The following GRM7 variants were observed in gnomAD, a reference collection of about 807,000 sequenced individuals.
GRM7 encodes metabotropic glutamate receptor 7.
Under a neutral mutation model 84.5 loss-of-function variants are expected in GRM7, and 35 were observed. The ratio of observed to expected loss-of-function variants is 0.41; its 90% confidence interval spans 0.32 to 0.55. The LOEUF is 0.55. Ranked by LOEUF, GRM7 falls within the 20% of genes least tolerant of loss-of-function variation. GRM7 has a pLI of 0.19. For synonymous variants in GRM7, 487 were observed against 455.1 expected (o/e 1.07, Z -0.89); for missense variants, 1,003 against 1,194.6 (o/e 0.84, Z 2.36).
chr3:7,425,712 TAC>T (rs1362345166), intron 5 of GRM7, among the ~76,000 whole-genome samples: 20 of 152,300 alleles, frequency 1.3e-4, no homozygotes, highest in African/African-American at 4.1e-4. Context: ...ATGCAATGGT[TAC>T]ACACAGGTTC....
At chr3:7,694,803 G>A (rs188417902) in intron 9 of GRM7, among the ~76,000 whole-genome samples, 1 of 152,248 alleles carries the variant, frequency 6.6e-6, no homozygotes, top group Admixed American at 6.5e-5. Flanking sequence ...TCCTATGTAT[G>A]GCAGAAAATT....
intron 4 of GRM7, among the ~76,000 whole-genome samples, chr3:7,349,572 G>A (rs1475083684): frequency 6.6e-6 from 1 of 152,180 alleles, no homozygotes; most frequent in Non-Finnish European, 1.5e-5. Flanking sequence ...GGGTGTCCTA[G>A]TCGTGTAAAA....
intron 7 of GRM7, among the ~76,000 whole-genome samples, chr3:7,571,081 C>G (rs796609676): frequency 7.2e-5 from 11 of 152,284 alleles, no homozygotes; most frequent in African/African-American, 2.4e-4. Context: ...CACAGGGATC[C>G]TGTCCCTGGT....
Position 6,954,473 on chromosome 3 carries a change from CAT to C in GRM7, c.519+92569_519+92570del, listed in dbSNP as rs1473337884. 3.9e-5 allele frequency among the ~76,000 whole-genome samples: 6 copies of C among 152,308 alleles called. No homozygotes were observed. In the East Asian group the frequency reaches 1.2e-3, roughly 29 times the overall value. The stretch of plus-strand genomic sequence containing the variant: ...ATGGGTTTTCCCCCTCACCTTCTGA[CAT>C]ATCCCTAAAATAAGGTCTGAACACC... On this transcript the variant is annotated intron_variant, in intron 1 of 9. Coordinates refer to ENST00000357716, the MANE Select transcript of GRM7 (RefSeq NM_000844.4).
intron 1 of GRM7, among the ~76,000 whole-genome samples, chr3:6,988,163 ATTTTTTTTTTTTT>A (rs760807880): frequency 3.1e-5 from 3 of 95,282 alleles, no homozygotes; most frequent in African/African-American, 1.6e-4. Flanking sequence ...CGCCTGGCTA[ATTTTTTTTTTTTT>A]TTTTTTTTTT....
chr3:7,287,043 G>A (rs1023441209), intron 2 of GRM7, among the ~76,000 whole-genome samples: 6 of 152,038 alleles, frequency 3.9e-5, no homozygotes, highest in African/African-American at 1.4e-4. Context: ...CCTGATTCCT[G>A]GACAGAAAAA....
intron 5 of GRM7, among the ~76,000 whole-genome samples, chr3:7,450,949 A>ATCT (rs1553600446): frequency 1.4e-5 from 1 of 70,422 alleles, no homozygotes; most frequent in Non-Finnish European, 3.5e-5. Context: ...GTTCTGGAAA[A>ATCT]GTCAGTGAAG....
intron 7 of GRM7, among the ~76,000 whole-genome samples, chr3:7,568,674 C>G (rs113963341): frequency 6.6e-6 from 1 of 152,124 alleles, no homozygotes; most frequent in African/African-American, 2.4e-5. Flanking sequence ...GTGGGCTCGG[C>G]GGCCCAGCAC....
At chr3:6,884,496 A>G (rs1574967094) in intron 1 of GRM7, among the ~76,000 whole-genome samples, 3 of 152,214 alleles carry the variant, frequency 2.0e-5, no homozygotes, top group Admixed American at 2.0e-4. Flanking sequence ...GTTATAAAAA[A>G]CATCACCATT....
At chr3:7,249,062 T>G (rs919128354) in intron 2 of GRM7, among the ~76,000 whole-genome samples, 2 of 152,188 alleles carry the variant, frequency 1.3e-5, no homozygotes, top group East Asian at 3.8e-4. Context: ...GAAATTCACA[T>G]ATAATCTTCT....
intron 1 of GRM7, among the ~76,000 whole-genome samples, chr3:7,140,321 G>T (rs1693907311): frequency 6.6e-6 from 1 of 151,926 alleles, no homozygotes; most frequent in South Asian, 2.1e-4. Context: ...GGAGAGAAAG[G>T]CTTAACCAGG....
At chr3:6,987,505 T>C (rs769152369) in intron 1 of GRM7, among the ~76,000 whole-genome samples, 9 of 151,854 alleles carry the variant, frequency 5.9e-5, no homozygotes, top group African/African-American at 1.5e-4. Flanking sequence ...ACTTCGGTAA[T>C]GAGAGGAAAC....
At chr3:7,170,368 C>T (rs1025008934) in intron 2 of GRM7, among the ~76,000 whole-genome samples, 3 of 152,246 alleles carry the variant, frequency 2.0e-5, no homozygotes, top group South Asian at 2.1e-4. Flanking sequence ...TTGAGTAAGG[C>T]GTACTTAGCA....
chr3:7,057,896 G>A (rs1025696015), intron 1 of GRM7, among the ~76,000 whole-genome samples: 3 of 151,874 alleles, frequency 2.0e-5, no homozygotes, highest in Non-Finnish European at 4.4e-5. Flanking sequence ...GGCAAATGAA[G>A]CATATATAGC....
chr3:6,983,201 A>G (rs772345922), intron 1 of GRM7, among the ~76,000 whole-genome samples: 1 of 152,212 alleles, frequency 6.6e-6, no homozygotes, highest in African/African-American at 2.4e-5. Flanking sequence ...ACAAACTACT[A>G]AAAGGCCACA....
chr3:7,554,168 GAGA>G (rs1164266769), intron 7 of GRM7, among the ~76,000 whole-genome samples: 1 of 152,160 alleles, frequency 6.6e-6, no homozygotes, highest in East Asian at 1.9e-4. Flanking sequence ...ACCTATCATG[GAGA>G]AGAATATATA....
intron 2 of GRM7, among the ~76,000 whole-genome samples, chr3:7,211,836 C>T (rs1696440160): frequency 6.6e-6 from 1 of 152,068 alleles, no homozygotes; most frequent in Non-Finnish European, 1.5e-5. Flanking sequence ...GACCCCTCTG[C>T]TGCAGCTGAC....
At chr3:7,357,795 A>C (rs1226336709) in intron 4 of GRM7, among the ~76,000 whole-genome samples, 1 of 152,124 alleles carries the variant, frequency 6.6e-6, no homozygotes, top group Admixed American at 6.6e-5. Context: ...TTTTCTTCAA[A>C]AAAACATTTC....
intron 1 of GRM7, among the ~76,000 whole-genome samples, chr3:7,139,003 T>G (rs1693857306): frequency 6.7e-6 from 1 of 148,610 alleles, no homozygotes; most frequent in Admixed American, 6.8e-5. Context: ...TTTACTATAT[T>G]TTTTTAGTTT....
Sources: gnomAD v4.1 joint callset for allele counts (sites outside exome capture counted in the v4.1 genomes callset) on GRCh38, gnomAD v4.1.1 for gene constraint, MANE v1.5 for transcripts, NCBI Gene and HGNC (gene_info 2026-07-23, HGNC 2026-07-21) for gene names.